Variants in MBTD1 observed in about 807,000 individuals in gnomAD.
MBTD1 encodes the protein mbt domain containing 1.
MBTD1 carries 24 observed loss-of-function variants against 87.8 expected under a neutral mutation model. The observed-to-expected ratio is 0.27, with a 90% CI of 0.20 to 0.38. The LOEUF (loss-of-function observed/expected upper bound fraction) is 0.38, where lower values mean the gene tolerates loss of function less well. Among genes scored for constraint, MBTD1 ranks in the 10% least tolerant of loss-of-function variants. MBTD1 has a pLI of 1.00. For missense variants in MBTD1, 436 were observed against 760.2 expected, an observed-to-expected ratio of 0.57 and a Z score of 5.02; for synonymous variants, 237 against 248.6, an observed-to-expected ratio of 0.95 and a Z score of 0.44.
At chr17:51,249,256 G>C (rs915418571) in intron 2 of MBTD1, among the ~76,000 whole-genome samples, 2 of 151,928 alleles carry the variant, frequency 1.3e-5, no homozygotes, top group Admixed American at 1.3e-4. Flanking sequence ...TTGGGGGTGG[G>C]GGGAAGCAGT....
At chr17:51,182,579 C>T (rs9895070) in intron 16 of MBTD1, among the ~76,000 whole-genome samples, 179 of 152,236 alleles carry the variant, frequency 1.2e-3, no homozygotes, top group African/African-American at 4.0e-3. Context: ...CTACTTACTA[C>T]CCCCTGAATC....
chr17:51,257,160 T>C (rs914366008), intron 2 of MBTD1, among the ~76,000 whole-genome samples: 3 of 152,228 alleles, frequency 2.0e-5, no homozygotes, highest in Admixed American at 1.3e-4. Context: ...TTAGGAGAAA[T>C]ATCTTAGCTT....
chr17:51,254,634 A>C (rs1172971314), intron 2 of MBTD1, among the ~76,000 whole-genome samples: 2 of 152,228 alleles, frequency 1.3e-5, no homozygotes, highest in African/African-American at 4.8e-5. Context: ...TTCTAGACCT[A>C]TCACTGTTAT....
At position 51,247,755 on chromosome 17, in the gene MBTD1, T is replaced by G. The variant is rs577292480; in HGVS notation, c.-49+11388A>C. ...GTGAGCCACTGCACACAGTCCAGTA[T>G]TACTCTTACGTCACAAAAATAATTA... On this transcript the variant is annotated intron_variant, in intron 2 of 16. Transcript: ENST00000586178. Among the ~76,000 whole-genome samples, 4 of 152,312 alleles carry G rather than the reference T, an allele frequency of 2.6e-5. No individual in the cohort carries two copies. The South Asian group carries it at 8.3e-4, about 32-fold the overall frequency.
chr17:51,198,951 C>T (rs2051300795), intron 12 of MBTD1, among the ~76,000 whole-genome samples: 1 of 152,096 alleles, frequency 6.6e-6, no homozygotes, highest in African/African-American at 2.4e-5. Context: ...TATAGGTACA[C>T]ACCACCACAC....
At chr17:51,205,128 A>T (rs2051743625) in intron 7 of MBTD1, among the ~76,000 whole-genome samples, 1 of 152,246 alleles carries the variant, frequency 6.6e-6, no homozygotes, top group Non-Finnish European at 1.5e-5. Context: ...AAAAAGGCCA[A>T]TATATGTGTA....
At chr17:51,228,016 T>C (rs577468038) in intron 2 of MBTD1, among the ~76,000 whole-genome samples, 1 of 151,622 alleles carries the variant, frequency 6.6e-6, no homozygotes, top group Non-Finnish European at 1.5e-5. Context: ...ATTTCAGAAA[T>C]TGTAGGAGAT....
At chr17:51,186,739 A>T (rs2050555682) in intron 16 of MBTD1, among the ~76,000 whole-genome samples, 1 of 151,840 alleles carries the variant, frequency 6.6e-6, no homozygotes, top group African/African-American at 2.4e-5. Context: ...GTGCCACTGC[A>T]CTCCAACCTG....
chr17:51,232,856 A>C (rs2143854554), intron 2 of MBTD1, among the ~76,000 whole-genome samples: 1 of 152,008 alleles, frequency 6.6e-6, no homozygotes, highest in Non-Finnish European at 1.5e-5. Context: ...TGAGCAACAA[A>C]GTGTGACACT....
intron 16 of MBTD1, among the ~76,000 whole-genome samples, chr17:51,181,979 G>A (rs1180497940): frequency 6.6e-6 from 1 of 151,936 alleles, no homozygotes; most frequent in East Asian, 1.9e-4. Flanking sequence ...AAGAACAGAT[G>A]AGGTGGTCTT....
At chr17:51,245,259 T>C (rs887793149) in intron 2 of MBTD1, among the ~76,000 whole-genome samples, 2 of 152,176 alleles carry the variant, frequency 1.3e-5, no homozygotes, top group Non-Finnish European at 2.9e-5. Context: ...TTTTTTCTTC[T>C]TTAGGGTTTT....
chr17:51,182,505 T>C (rs559106512), intron 16 of MBTD1, among the ~76,000 whole-genome samples: 5 of 152,292 alleles, frequency 3.3e-5, no homozygotes, highest in South Asian at 4.1e-4. Flanking sequence ...ATCTGAAAAG[T>C]AGATAGACTT....
intron 12 of MBTD1, among the ~76,000 whole-genome samples, chr17:51,200,366 A>C (rs1220712009): frequency 6.6e-6 from 1 of 151,276 alleles, no homozygotes; most frequent in Non-Finnish European, 1.5e-5. Flanking sequence ...GTTCGAGACT[A>C]TCCTGGGCAA....
chr17:51,235,438 A>G lies in MBTD1; in HGVS notation c.-48-10229T>C, dbSNP rs1598403189. 3.3e-5 allele frequency among the ~76,000 whole-genome samples: 5 copies of G among 152,226 alleles called. No individual in the cohort carries two copies. In the South Asian group the frequency reaches 1.0e-3, roughly 32 times the overall value. On this transcript the variant is annotated intron_variant, in intron 2 of 16. Coordinates refer to ENST00000586178, the MANE Select transcript of MBTD1 (RefSeq NM_017643.3). ...CAGGTGTGACCCATTATGCCCAGCT[A>G]GATGAAAATATTGTTAACAAAATTT... is the stretch of plus-strand genomic sequence containing the variant.
intron 12 of MBTD1, among the ~76,000 whole-genome samples, chr17:51,200,027 G>A (rs772209680): frequency 2.6e-5 from 4 of 152,014 alleles, no homozygotes; most frequent in African/African-American, 7.2e-5. Flanking sequence ...GGGTTTCACC[G>A]TGTTAGCCAG....
At chr17:51,251,961 C>T (rs1057106774) in intron 2 of MBTD1, among the ~76,000 whole-genome samples, 5 of 152,124 alleles carry the variant, frequency 3.3e-5, no homozygotes, top group Admixed American at 6.5e-5. Context: ...GACAGGGTTT[C>T]GCCATGTTGG....
chr17:51,180,451 C>A lies in MBTD1; in HGVS notation c.*125G>T. On this transcript the variant is annotated 3_prime_UTR_variant, in exon 17 of 17. Coordinates refer to ENST00000586178, the MANE Select transcript of MBTD1 (RefSeq NM_017643.3). ...TAGCTCCCCCACCCACCTGAAAAATCTGGAACTGAAATCTTCTATGTTTAG... is the reference window on the plus strand; with the variant it reads ...TAGCTCCCCCACCCACCTGAAAAATATGGAACTGAAATCTTCTATGTTTAG... 8.5e-6 allele frequency: 1 copy of A among 117,204 alleles called. No homozygotes were observed. The highest frequency in any genetic ancestry group is 1.6e-5 in the Non-Finnish European group (1 of 63,478). 7.3% of individuals were successfully genotyped at this position (117,204 alleles called of 1,614,324 possible).
At chr17:51,220,234 C>G (rs932821236) in intron 4 of MBTD1, 96 bp downstream of exon 4, 1 of 1,173,366 alleles carries the variant, frequency 8.5e-7, no homozygotes, top group Non-Finnish European at 1.2e-6. Flanking sequence ...ACTGAGTGGG[C>G]AGAGGTGGAG....
intron 12 of MBTD1, among the ~76,000 whole-genome samples, chr17:51,198,082 AAC>A (rs1214379598): frequency 2.0e-5 from 3 of 152,218 alleles, no homozygotes; most frequent in African/African-American, 4.8e-5. Context: ...CCGCATGCTG[AAC>A]ACAGTCTCTG....
Sources: allele counts gnomAD v4.1 joint callset (sites outside exome capture counted in the v4.1 genomes callset), GRCh38; gene constraint gnomAD v4.1.1; transcripts MANE v1.5; gene names NCBI Gene and HGNC (gene_info 2026-07-23, HGNC 2026-07-21).